Variants in GFPT2 observed in about 807,000 individuals in gnomAD.
The protein encoded by GFPT2 is glutamine--fructose-6-phosphate aminotransferase [isomerizing] 2.
GFPT2 carries 62 observed loss-of-function variants against 85.6 expected under a neutral mutation model. That is an observed-to-expected ratio of 0.72 (90% CI 0.59 to 0.90). The LOEUF is 0.90. GFPT2 is among the 40% of genes least tolerant of loss of function. The pLI is 0.00. For synonymous variants in GFPT2, 368 were observed against 344.5 expected (o/e 1.07, Z -0.75); for missense variants, 788 against 893.4 (o/e 0.88, Z 1.50).
intron 1 of GFPT2, chr5:180,352,262 G>A (rs1173377256): frequency 2.7e-6 from 1 of 375,772 alleles, no homozygotes; most frequent in Non-Finnish European, 5.1e-6. Context: ...TCAGAGAGAG[G>A]CCTTTCATGG....
At chr5:180,315,746 G>C (rs925817134) in intron 13 of GFPT2, among the ~76,000 whole-genome samples, 1 of 152,194 alleles carries the variant, frequency 6.6e-6, no homozygotes, top group Non-Finnish European at 1.5e-5. Flanking sequence ...TATGGCCCTG[G>C]ATCACCTCCC....
At chr5:180,351,597 G>A (rs1371554663) in intron 1 of GFPT2, among the ~76,000 whole-genome samples, 2 of 152,200 alleles carry the variant, frequency 1.3e-5, no homozygotes, top group African/African-American at 2.4e-5. Context: ...CCACAAGTCA[G>A]TACCAGAAAA....
chr5:180,339,504 A>G (rs1764469015), intron 1 of GFPT2, among the ~76,000 whole-genome samples: 1 of 151,890 alleles, frequency 6.6e-6, no homozygotes, highest in African/African-American at 2.4e-5. Flanking sequence ...ATTTTGTTCC[A>G]CTTGACTTTC....
chr5:180,312,685 G>A, intron 14 of GFPT2, 141 bp from the exon 15 acceptor site: 1 of 578,766 alleles, frequency 1.7e-6, no homozygotes, highest in South Asian at 2.3e-5. Context: ...ACCTCCTCAA[G>A]TGATTCTCCC....
At chr5:180,302,371 C>T in intron 18 of GFPT2, 52 bp downstream of exon 18, 1 of 1,395,894 alleles carries the variant, frequency 7.2e-7, no homozygotes, top group Non-Finnish European at 1.0e-6. Context: ...CAGAAAGGAA[C>T]TCTGGGGTTA....
rs1300735953 is a variant in GFPT2 at position 180,328,031 on chromosome 5, A to G, written c.596+246T>C. Among the ~76,000 whole-genome samples the G allele has an allele frequency of 6.6e-6, 1 of 151,254 alleles. No homozygotes were observed. Among genetic ancestry groups the G allele is most frequent in the East Asian group, 1.9e-4 (1 of 5,180 alleles). On this transcript the variant is annotated intron_variant, in intron 7 of 18. Coordinates refer to ENST00000253778, the MANE Select transcript of GFPT2 (RefSeq NM_005110.4). This position sits in a 1 kb window ranked among gnomAD's most constrained non-coding sequence, Gnocchi z 5.4. ...TGGAATTTGTTGCCCACCTCTAAAA[A>G]TCTGTGGAGATTTCAAACACAAATC...
At chr5:180,316,253 T>G in intron 13 of GFPT2, 88 bp downstream of exon 13, 1 of 1,342,320 alleles carries the variant, frequency 7.4e-7, no homozygotes. Flanking sequence ...AGGGTAGCCA[T>G]GCAGAGGACT....
intron 1 of GFPT2, among the ~76,000 whole-genome samples, chr5:180,348,014 C>A (rs995488254): frequency 6.6e-6 from 1 of 152,156 alleles, no homozygotes; most frequent in Admixed American, 6.5e-5. Context: ...GAGGCCCAGC[C>A]AGTGCTCCAC....
At chr5:180,303,874 G>T (rs1395613539) in intron 17 of GFPT2, among the ~76,000 whole-genome samples, 1 of 152,182 alleles carries the variant, frequency 6.6e-6, no homozygotes, top group Non-Finnish European at 1.5e-5. Flanking sequence ...CTCGTGGTGG[G>T]CCTGTAGATA....
At chr5:180,347,979 CTGAGTGAGGGGACCGTTCCAGGG>C (rs1764641514) in intron 1 of GFPT2, among the ~76,000 whole-genome samples, 1 of 152,168 alleles carries the variant, frequency 6.6e-6, no homozygotes, top group Non-Finnish European at 1.5e-5. Context: ...AGCCCTCACT[CTGAGTGAGGGGACCGTTCCAGGG>C]AGAGGCCCAG....
At chr5:180,335,394 G>A (rs1180110575) in intron 4 of GFPT2, among the ~76,000 whole-genome samples, 1 of 152,228 alleles carries the variant, frequency 6.6e-6, no homozygotes, top group Admixed American at 6.5e-5. Context: ...GCCCTCACCT[G>A]GACCACTCTG....
In GFPT2 at chr5:180,304,647, G is replaced by A. The variant is rs1561870702; in HGVS notation, c.1842+125C>T. The A allele has an allele frequency of 3.5e-6, 3 of 866,310 alleles. No homozygotes were observed. In the East Asian group the frequency reaches 7.3e-5, roughly 21 times the overall value. 53.7% of individuals were successfully genotyped at this position (866,310 alleles called of 1,614,324 possible). A position where few individuals can be genotyped will look rare whatever the true frequency, so the allele number is the denominator to read the frequency against. On this transcript the variant is annotated intron_variant, in intron 17 of 18. Coordinates refer to ENST00000253778, the MANE Select transcript of GFPT2 (RefSeq NM_005110.4). ...CACTCCCCACAGGCGGCCCGGGGGA[G>A]GGTGTGTGGTCACAGCCACTCACTG...
intron 9 of GFPT2, among the ~76,000 whole-genome samples, chr5:180,320,205 G>C (rs1413047278): frequency 6.6e-6 from 1 of 151,898 alleles, no homozygotes; most frequent in East Asian, 2.0e-4. Context: ...TGTTAGCCAG[G>C]ATGGTCTCGA....
At chr5:180,317,138 T>G in intron 10 of GFPT2, 80 bp from the exon 11 acceptor site, 1 of 945,434 alleles carries the variant, frequency 1.1e-6, no homozygotes, top group Non-Finnish European at 1.7e-6. Flanking sequence ...TAGTAACTCC[T>G]GTAAAGCTTA....
In GFPT2 at chr5:180,353,301, G is replaced by GCTC. The variant is rs768269932; in HGVS notation, c.-87_-85dup. 1,435 of 269,716 alleles carry GCTC rather than the reference G, an allele frequency of 5.3e-3. 4 individuals are homozygous for GCTC. The highest frequency in any genetic ancestry group is 0.02 in the African/African-American group (216 of 10,928). 16.7% of individuals were successfully genotyped at this position (269,716 alleles called of 1,614,324 possible). A position where few individuals can be genotyped will look rare whatever the true frequency, so the allele number is the denominator to read the frequency against. ...GGCTCCTCCGTGGGCTCCTCCGTGG[G>GCTC]CTCCGTGGGCTCCGTGGGCTCCGCG... On this transcript the variant is annotated 5_prime_UTR_variant, in exon 1 of 19. Coordinates refer to ENST00000253778, the MANE Select transcript of GFPT2 (RefSeq NM_005110.4).
At chr5:180,308,020 G>C (rs902981617) in intron 15 of GFPT2, among the ~76,000 whole-genome samples, 4 of 152,140 alleles carry the variant, frequency 2.6e-5, no homozygotes, top group Non-Finnish European at 4.4e-5. Context: ...ACTTTGGAAG[G>C]CTGGGGCAGG....
intron 15 of GFPT2, among the ~76,000 whole-genome samples, chr5:180,311,379 G>A (rs976507341): frequency 3.3e-5 from 5 of 152,226 alleles, no homozygotes; most frequent in Non-Finnish European, 7.3e-5. Context: ...CACGGCACTG[G>A]TTCTTAATAT....
chr5:180,328,175 A>C lies in GFPT2; in HGVS notation c.596+102T>G, dbSNP rs1581380976. 1.2e-6 allele frequency: 1 copy of C among 863,928 alleles called. No individual in the cohort carries two copies. Among genetic ancestry groups the C allele is most frequent in the South Asian group, 1.4e-5 (1 of 70,284 alleles). The allele number at this position is 863,928 out of a possible 1,614,324, so 53.5% of individuals were successfully genotyped here. A position where few individuals can be genotyped will look rare whatever the true frequency, so the allele number is the denominator to read the frequency against. ...CAGTTGTTCTTTAGACACCACGAGC[A>C]CCTTTCAGCGTGCCACAGGCCCTAC... On this transcript the variant is annotated intron_variant, in intron 7 of 18. Coordinates refer to ENST00000253778, the MANE Select transcript of GFPT2 (RefSeq NM_005110.4). The surrounding 1 kb of genome is among the most constrained non-coding windows in gnomAD (Gnocchi z 5.4).
At chr5:180,336,344 C>T in intron 3 of GFPT2, 135 bp downstream of exon 3, 2 of 711,146 alleles carry the variant, frequency 2.8e-6, no homozygotes, top group South Asian at 3.3e-5. Context: ...GGTTTTACAG[C>T]ACGGGCTTAG....
Sources: gnomAD v4.1 joint callset for allele counts (sites outside exome capture counted in the v4.1 genomes callset) on GRCh38, gnomAD v4.1.1 for gene constraint, Gnocchi (gnomAD v3.1) non-coding constraint, MANE v1.5 for transcripts, NCBI Gene and HGNC (gene_info 2026-07-23, HGNC 2026-07-21) for gene names.